Variants in USP44 observed in about 807,000 individuals in gnomAD.
USP44 encodes ubiquitin carboxyl-terminal hydrolase 44.
A neutral mutation model predicts 69.0 loss-of-function variants in USP44; 61 were observed. The observed-to-expected ratio is 0.88, with a 90% CI of 0.72 to 1.09. The LOEUF is 1.09. Ranked by LOEUF, USP44 falls within the 50% of genes least tolerant of loss-of-function variation. The pLI is 0.00. For synonymous variants in USP44, 297 were observed against 295.4 expected (o/e 1.01, Z -0.06); for missense variants, 753 against 849.9 (o/e 0.89, Z 1.42).
At chr12:95,522,208 A>C in intron 4 of USP44, 1 of 604,148 alleles carries the variant, frequency 1.7e-6, no homozygotes, top group Non-Finnish European at 2.1e-6. Context: ...GACATAGATA[A>C]AAATATAGTA....
intron 3 of USP44, among the ~76,000 whole-genome samples, chr12:95,525,504 G>GA (rs959825678): frequency 4.0e-5 from 6 of 151,052 alleles, no homozygotes; most frequent in African/African-American, 1.2e-4. Context: ...AAAGAAAAAA[G>GA]AAAAAAAAAG....
At chr12:95,525,297 C>G (rs1377183401) in intron 3 of USP44, among the ~76,000 whole-genome samples, 2 of 152,136 alleles carry the variant, frequency 1.3e-5, no homozygotes, top group Admixed American at 1.3e-4. Context: ...GTCTCGAACT[C>G]CTGACATTGT....
At chr12:95,523,493 A>G (rs1040461393) in intron 4 of USP44, among the ~76,000 whole-genome samples, 4 of 152,168 alleles carry the variant, frequency 2.6e-5, no homozygotes, top group South Asian at 4.1e-4. Context: ...CATTTTGGTA[A>G]GCAGAGGTCA....
intron 2 of USP44, 93 bp downstream of exon 2, chr12:95,532,736 C>T (rs896575760): frequency 9.3e-7 from 1 of 1,080,588 alleles, no homozygotes. Flanking sequence ...ATGGTACTAG[C>T]TCAACACACT....
chr12:95,544,382 C>G (rs2077505742), intron 1 of USP44, among the ~76,000 whole-genome samples: 1 of 152,040 alleles, frequency 6.6e-6, no homozygotes, highest in African/African-American at 2.4e-5. Flanking sequence ...ACATAATAAA[C>G]TTTTCAGCCA....
chr12:95,529,206 T>C (rs1245808303), intron 2 of USP44, among the ~76,000 whole-genome samples: 1 of 152,152 alleles, frequency 6.6e-6, no homozygotes, highest in East Asian at 1.9e-4. Context: ...CCATCATGAA[T>C]TGGTTGCTTT....
At chr12:95,538,817 G>A (rs560499137) in intron 1 of USP44, among the ~76,000 whole-genome samples, 1 of 152,324 alleles carries the variant, frequency 6.6e-6, no homozygotes, top group South Asian at 2.1e-4. Context: ...CTAAGAGCTT[G>A]GAGGAAAGAA....
rs1377037706 is a variant in USP44 at position 95,533,825 on chromosome 12, A to G, written c.432T>C (p.Asp144=). 3.1e-6 allele frequency: 5 copies of G among 1,614,024 alleles called. No homozygotes were observed. The highest frequency in any genetic ancestry group is 4.2e-6 in the Non-Finnish European group (5 of 1,180,040). ...TGTGCCAAAGAGCAGTATACAGTTG[A>G]TCTTCACTTTGAAGCAGAGATTGGG... ...DGAQSLLQSE[D]QLYTALWHRR... Residue 144 remains aspartate, a synonymous_variant, in exon 2 of 6, where the codon GAT becomes GAC. Transcript: ENST00000258499.
intron 1 of USP44, among the ~76,000 whole-genome samples, chr12:95,546,298 G>A (rs564945595): frequency 3.3e-5 from 5 of 152,304 alleles, no homozygotes; most frequent in African/African-American, 1.2e-4. Flanking sequence ...TCTATGATCT[G>A]ATCTAGCAAG....
intron 3 of USP44, among the ~76,000 whole-genome samples, chr12:95,528,426 C>T (rs534113664): frequency 4.5e-4 from 68 of 152,328 alleles, no homozygotes; most frequent in Admixed American, 2.4e-3. Context: ...CATACACACA[C>T]GCATTTATCT....
At chr12:95,532,156 T>C (rs1177229267) in intron 2 of USP44, among the ~76,000 whole-genome samples, 2 of 148,020 alleles carry the variant, frequency 1.4e-5, no homozygotes, top group African/African-American at 5.0e-5. Flanking sequence ...CCATTTTCTT[T>C]CTTTCTTTGG....
rs2076481792 is a variant in USP44, at chr12:95,516,730, C to T, written c.*1424G>A. On this transcript the variant is annotated 3_prime_UTR_variant, in exon 6 of 6. Transcript: ENST00000258499. The stretch of plus-strand genomic sequence containing the variant: ...GTGATAAAAGTCTCACTGCACCTCA[C>T]TATCAGCTAACCCAGATGACTTGTT... 2 of 152,122 alleles carry T rather than the reference C, an allele frequency of 1.3e-5. No individual in the cohort carries two copies. The highest frequency in any genetic ancestry group is 4.8e-5 in the African/African-American group (2 of 41,414). The allele number at this position is 152,122 out of a possible 1,614,324, so 9.4% of individuals were successfully genotyped here.
Position 95,521,180 on chromosome 12 carries a change from C to T in USP44, c.1756G>A (p.Glu586Lys), listed in dbSNP as rs1205532802. 1 of 1,614,140 alleles carries T rather than the reference C, an allele frequency of 6.2e-7. No individual in the cohort carries two copies. Among genetic ancestry groups the T allele is most frequent in the African/African-American group, 1.3e-5 (1 of 75,036 alleles). Residue 586 changes from glutamate to lysine, a missense_variant, in exon 5 of 6, where the codon GAG becomes AAG. Transcript: ENST00000258499. ...AAGCCAACATGAACACCAATCTTCT[C>T]TCGGTTATTACGTCCTGACCACCTG... Reference protein sequence around the residue: ...RFRWSGRNNREKIGVHVGFEE... With the variant: ...RFRWSGRNNRKKIGVHVGFEE...
In USP44 at chr12:95,517,241, A is replaced by G. The variant is rs1332012758; in HGVS notation, c.*913T>C. 1 of 152,064 alleles carries G rather than the reference A, an allele frequency of 6.6e-6. No homozygotes were observed. The highest frequency in any genetic ancestry group is 2.4e-5 in the African/African-American group (1 of 41,398). The allele number at this position is 152,064 out of a possible 1,614,324, so 9.4% of individuals were successfully genotyped here. On this transcript the variant is annotated 3_prime_UTR_variant, in exon 6 of 6. Coordinates refer to ENST00000258499, the MANE Select transcript of USP44 (RefSeq NM_032147.5). ...ATAATAGTCCAGTTGCCAATTTTGA[A>G]CACTTATCTTTTCTGCCCTATAATT...
Position 95,544,519 on chromosome 12 carries a change from A to G in USP44, c.-71+6753T>C, listed in dbSNP as rs1372799519. On this transcript the variant is annotated intron_variant, in intron 1 of 5. Transcript: ENST00000258499. Reference sequence around the variant, plus strand: ...GGTACCAAAGGTCAATGGTATGAATAATGTAATATAGATCTAATTGGCGTA... The same window carrying G: ...GGTACCAAAGGTCAATGGTATGAATGATGTAATATAGATCTAATTGGCGTA... Among the ~76,000 whole-genome samples, 9 of 152,148 alleles carry G rather than the reference A, an allele frequency of 5.9e-5. No individual in the cohort carries two copies. The East Asian group carries it at 1.7e-3, about 29-fold the overall frequency.
At chr12:95,521,482 C>A (rs59196251) in intron 4 of USP44, among the ~76,000 whole-genome samples, 18,076 of 152,078 alleles carry the variant, frequency 0.12, 1,864 homozygotes, top group African/African-American at 0.28. Flanking sequence ...GTCAAGGCCA[C>A]GAAAGGGTTG....
Position 95,550,158 on chromosome 12 carries a change from G to A in USP44, c.-71+1114C>T, listed in dbSNP as rs1008062704. ...CCACAATTGCACTCAAGCCTGGGCA[G>A]CAACAAGAGCGAAACTCCGTCTCAG... On this transcript the variant is annotated intron_variant, in intron 1 of 5. Transcript: ENST00000258499. Among the ~76,000 whole-genome samples, 5 of 135,922 alleles carry A rather than the reference G, an allele frequency of 3.7e-5. No individual in the cohort carries two copies. The Admixed American group carries it at 4.1e-4, about 11-fold the overall frequency. The allele number at this position is 135,922 out of a possible 152,430, so 89.2% of individuals were successfully genotyped here. A position where few individuals can be genotyped will look rare whatever the true frequency, so the allele number is the denominator to read the frequency against.
At chr12:95,518,433 T>C (rs2076545999) in intron 5 of USP44, 80 bp from the exon 6 acceptor site, 3 of 1,395,844 alleles carry the variant, frequency 2.1e-6, no homozygotes, top group Non-Finnish European at 3.0e-6. Flanking sequence ...AGAAGCTTTT[T>C]CTGAAGGGAA....
rs141053041 is a variant in USP44 at position 95,537,435 on chromosome 12, T to C, written c.-70-3109A>G. Among the ~76,000 whole-genome samples, 786 of 152,138 alleles carry C rather than the reference T, an allele frequency of 5.2e-3. 15 individuals are homozygous for C. In the South Asian group the frequency reaches 0.056, roughly 11 times the overall value. On this transcript the variant is annotated intron_variant, in intron 1 of 5. Transcript: ENST00000258499. ...CTGGGTTCAAGCGATTCTCCTGCCTTAGCCTCCCGAGTAGCTGGGATTACA... is the reference window on the plus strand; with the variant it reads ...CTGGGTTCAAGCGATTCTCCTGCCTCAGCCTCCCGAGTAGCTGGGATTACA...
Sources: gnomAD v4.1 joint callset for allele counts (sites outside exome capture counted in the v4.1 genomes callset) on GRCh38, gnomAD v4.1.1 for gene constraint, MANE v1.5 for transcripts, NCBI Gene and HGNC (gene_info 2026-07-23, HGNC 2026-07-21) for gene names.